Variants in ZNF93 observed in about 807,000 individuals in gnomAD.
ZNF93 encodes the protein zinc finger protein 505.
ZNF93 carries 29 observed loss-of-function variants against 45.0 expected under a neutral mutation model. That is an observed-to-expected ratio of 0.64 (90% CI 0.48 to 0.88). The LOEUF is 0.88. Among genes scored for constraint, ZNF93 ranks in the 40% least tolerant of loss-of-function variants. The pLI, the probability that ZNF93 is intolerant of heterozygous loss-of-function variation, is 0.00. For synonymous variants in ZNF93, 223 were observed against 244.6 expected (o/e 0.91, Z 0.82); for missense variants, 578 against 724.0 (o/e 0.80, Z 2.31).
intron 3 of ZNF93, among the ~76,000 whole-genome samples, chr19:19,922,583 T>C (rs1310105047): frequency 1.3e-5 from 2 of 152,210 alleles, no homozygotes; most frequent in Non-Finnish European, 2.9e-5. Context: ...ACTAATCAGA[T>C]GTAGATTTGG....
At chr19:19,912,732 A>G (rs1185022016) in intron 1 of ZNF93, among the ~76,000 whole-genome samples, 1 of 152,158 alleles carries the variant, frequency 6.6e-6, no homozygotes, top group African/African-American at 2.4e-5. Context: ...AGAGAAACAG[A>G]AGAAAAAATA....
intron 1 of ZNF93, among the ~76,000 whole-genome samples, chr19:19,903,851 A>C (rs1599564750): frequency 6.6e-6 from 1 of 151,146 alleles, no homozygotes; most frequent in Non-Finnish European, 1.5e-5. Flanking sequence ...CAGGCGGATC[A>C]CCTGAGGTTA....
chr19:19,928,301 G>A (rs1461451015), intron 3 of ZNF93, among the ~76,000 whole-genome samples: 1 of 152,104 alleles, frequency 6.6e-6, no homozygotes, highest in Non-Finnish European at 1.5e-5. Flanking sequence ...ATCTGTTTAT[G>A]TTTGTGTCAG....
At chr19:19,904,375 G>A (rs542578476) in intron 1 of ZNF93, among the ~76,000 whole-genome samples, 34 of 152,192 alleles carry the variant, frequency 2.2e-4, no homozygotes, top group African/African-American at 5.1e-4. Context: ...TCTTATATAT[G>A]AAACCAGTAA....
intron 3 of ZNF93, among the ~76,000 whole-genome samples, chr19:19,917,532 A>G (rs1455309918): frequency 6.6e-6 from 1 of 151,532 alleles, no homozygotes; most frequent in Admixed American, 6.6e-5. Flanking sequence ...TTGTGTGTTA[A>G]TTTTCTGTTT....
chr19:19,903,036 G>T (rs2063280240), intron 1 of ZNF93, among the ~76,000 whole-genome samples: 1 of 152,172 alleles, frequency 6.6e-6, no homozygotes, highest in South Asian at 2.1e-4. Flanking sequence ...ACCGCGCCCG[G>T]CCTTTGGGAG....
chr19:19,914,309 TTAG>T (rs1307834348), intron 1 of ZNF93, among the ~76,000 whole-genome samples: 5 of 152,232 alleles, frequency 3.3e-5, no homozygotes, highest in African/African-American at 1.2e-4. Flanking sequence ...AAAAAAATTA[TTAG>T]GAGATACTTG....
Position 19,933,705 on chromosome 19 carries a change from T to G in ZNF93, c.750T>G (p.Ile250Met). 6.2e-7 allele frequency: 1 copy of G among 1,612,418 alleles called. No individual in the cohort carries two copies. Among genetic ancestry groups the G allele is most frequent in the South Asian group, 1.1e-5 (1 of 91,002 alleles). The part of the protein sequence containing the change: ...ASSTLSKHEI[I>M]HTGKKPYKCE... ...CAACCCTTAGTAAACATGAGATCAT[T>G]CATACTGGAAAGAAACCCTACAAGT... is the stretch of plus-strand genomic sequence containing the variant. The change falls in exon 4 of 4, where the codon ATT becomes ATG. Residue 250 changes from isoleucine (I) to methionine (M), a missense_variant. Around this residue, in one of 3 missense-constraint regions of ZNF93, gnomAD observed 446 missense variants for 547.6 expected, o/e 0.81. Transcript: ENST00000343769.
At chr19:19,910,442 C>T (rs924567184) in intron 1 of ZNF93, among the ~76,000 whole-genome samples, 28 of 152,058 alleles carry the variant, frequency 1.8e-4, no homozygotes, top group Non-Finnish European at 3.2e-4. Flanking sequence ...AATCAATAAT[C>T]GATGTTATTT....
chr19:19,901,274 C>T (rs1178706118), intron 1 of ZNF93, among the ~76,000 whole-genome samples, 183 bp downstream of exon 1: 1 of 152,112 alleles, frequency 6.6e-6, no homozygotes, highest in Non-Finnish European at 1.5e-5. Flanking sequence ...AGCGCAGCCC[C>T]CAGGCGTCCT....
In ZNF93 at chr19:19,915,310, G is replaced by T. The variant is rs764306084; in HGVS notation, c.34G>T (p.Glu12Ter). The T allele has an allele frequency of 9.4e-5, 152 of 1,613,916 alleles. No individual in the cohort carries two copies. The highest frequency in any genetic ancestry group is 6.6e-4 in the Middle Eastern group (4 of 6,082). Reference protein sequence around the residue: ...GPLQFRDVAIEFSLEEWHCLD... With the variant: ...GPLQFRDVAI ...ATTGCAATTTAGAGATGTGGCCATA[G>T]AATTCTCTCTGGAGGAGTGGCATTG... The change falls in exon 2 of 4, where the codon GAA becomes TAA. Residue 12 changes from glutamate (E) to a stop codon, truncating the protein, a stop_gained. Transcript: ENST00000343769. LOFTEE classifies it high-confidence loss of function.
intron 3 of ZNF93, among the ~76,000 whole-genome samples, chr19:19,928,274 CTCTAT>C (rs752100671): frequency 6.6e-5 from 10 of 151,962 alleles, no homozygotes; most frequent in African/African-American, 4.8e-5. Context: ...TTTCTGAGCT[CTCTAT>C]TCTGTTCTTT....
At chr19:19,904,763 G>A (rs1480612006) in intron 1 of ZNF93, among the ~76,000 whole-genome samples, 1 of 152,172 alleles carries the variant, frequency 6.6e-6, no homozygotes, top group Non-Finnish European at 1.5e-5. Context: ...CCATTGTCCT[G>A]AAATTCCAGG....
chr19:19,902,175 C>T (rs1369757171), intron 1 of ZNF93, among the ~76,000 whole-genome samples: 1 of 152,070 alleles, frequency 6.6e-6, no homozygotes, highest in East Asian at 1.9e-4. Context: ...CACTGAGTTT[C>T]AAAAACCAAG....
chr19:19,916,357 C>G (rs1011753331), intron 2 of ZNF93, among the ~76,000 whole-genome samples: 25 of 152,296 alleles, frequency 1.6e-4, no homozygotes, highest in African/African-American at 4.1e-4. Context: ...TTTGGCCTCC[C>G]AAATTGCTGG....
chr19:19,927,130 G>C, intron 3 of ZNF93: 2 of 398,496 alleles, frequency 5.0e-6, no homozygotes, highest in Non-Finnish European at 8.8e-6. Context: ...TGGTTGTGGT[G>C]CTCATGTGTA....
In ZNF93 at chr19:19,900,975, T is replaced by C. The variant is rs1599563604; in HGVS notation, c.-114T>C. 3.9e-6 allele frequency: 6 copies of C among 1,526,432 alleles called. No individual in the cohort carries two copies. In the African/African-American group the frequency reaches 4.1e-5, roughly 11 times the overall value. 94.6% of individuals were successfully genotyped at this position (1,526,432 alleles called of 1,614,324 possible). A position where few individuals can be genotyped will look rare whatever the true frequency, so the allele number is the denominator to read the frequency against. On this transcript the variant is annotated 5_prime_UTR_variant, in exon 1 of 4. Transcript: ENST00000343769. Reference sequence around the variant, plus strand: ...CTCGGTGCAGCCGGAGCTCCAGGTCTCCTCTTCACTACTCTGTGTCCTGTG... The same window carrying C: ...CTCGGTGCAGCCGGAGCTCCAGGTCCCCTCTTCACTACTCTGTGTCCTGTG...
chr19:19,933,617 G>T lies in ZNF93; in HGVS notation c.662G>T (p.Arg221Ile), dbSNP rs752447118. 20 of 1,608,340 alleles carry T rather than the reference G, an allele frequency of 1.2e-5. 1 individual carries two copies. In the Admixed American group the frequency reaches 2.0e-4, roughly 16 times the overall value. Residue 221 changes from arginine to isoleucine, a missense_variant, in exon 4 of 4, where the codon AGA (arginine) becomes ATA (isoleucine). Coordinates refer to ENST00000343769, the MANE Select transcript of ZNF93 (RefSeq NM_031218.4). ...KYSSALNTHK[R>I]IHTGEKPYKC... ...TCCTCTGCCCTTAATACACATAAGA[G>T]AATTCATACTGGAGAGAAACCATAC...
rs576951092 is a variant in ZNF93, at chr19:19,915,573, C to T, written c.130+167C>T. Among the ~76,000 whole-genome samples, 23 of 152,212 alleles carry T rather than the reference C, an allele frequency of 1.5e-4. 1 individual carries two copies. Among genetic ancestry groups the T allele is most frequent in the South Asian group, 6.2e-4 (3 of 4,818 alleles). The stretch of plus-strand genomic sequence containing the variant: ...ATTTAGAAAAGAATTTCTTCAGTGC[C>T]TCTTGCCTGTATAGTTCTGACTTTG... On this transcript the variant is annotated intron_variant, in intron 2 of 3. Transcript: ENST00000343769.
Sources: allele counts gnomAD v4.1 joint callset (sites outside exome capture counted in the v4.1 genomes callset), GRCh38; gene constraint gnomAD v4.1.1; regional missense constraint gnomAD v4.1.1; transcripts MANE v1.5; gene names NCBI Gene and HGNC (gene_info 2026-07-23, HGNC 2026-07-21).